MARCHF10: variants seen among roughly 807,000 people sequenced by gnomAD.
The protein encoded by MARCHF10 is probable E3 ubiquitin-protein ligase MARCHF10.
Under a neutral mutation model 76.2 loss-of-function variants are expected in MARCHF10, and 64 were observed. That is an observed-to-expected ratio of 0.84 (90% confidence interval 0.69 to 1.03). The LOEUF is 1.03. MARCHF10 is among the 50% of genes least tolerant of loss of function. MARCHF10 has a pLI of 0.00. For synonymous variants in MARCHF10, 340 were observed against 357.5 expected, an observed-to-expected ratio of 0.95 and a Z score of 0.55; for missense variants, 875 against 958.0, an observed-to-expected ratio of 0.91 and a Z score of 1.14.
chr17:62,807,354 C>A (rs1321520325), intron 1 of MARCHF10, among the ~76,000 whole-genome samples: 2 of 150,234 alleles, frequency 1.3e-5, no homozygotes, highest in African/African-American at 4.9e-5. Context: ...GCCAATTTGG[C>A]TTAAGAGTTG....
chr17:62,713,198 T>C (rs963078750), intron 8 of MARCHF10, among the ~76,000 whole-genome samples: 4 of 152,188 alleles, frequency 2.6e-5, no homozygotes, highest in Non-Finnish European at 4.4e-5. Context: ...GTTTACCTCA[T>C]CCCCGGCTTC....
Position 62,711,799 on chromosome 17 carries a change from C to T in MARCHF10, c.2215-455G>A, listed in dbSNP as rs759259931. ...GAGATGCACCAGGCCTTGTCCATAA[C>T]GTTCTCAGCAGTCACAGATGTCCCC... is the stretch of plus-strand genomic sequence containing the variant. On this transcript the variant is annotated intron_variant, in intron 8 of 10. Transcript: ENST00000311269. This position sits in a 1 kb window ranked among gnomAD's most constrained non-coding sequence, Gnocchi z 4.4. Among the ~76,000 whole-genome samples, 11 of 152,312 alleles carry T rather than the reference C, an allele frequency of 7.2e-5. No individual in the cohort carries two copies. The highest frequency in any genetic ancestry group is 1.3e-4 in the Admixed American group (2 of 15,308).
intron 6 of MARCHF10, among the ~76,000 whole-genome samples, chr17:62,732,771 T>G (rs1401164219): frequency 6.6e-6 from 1 of 151,996 alleles, no homozygotes; most frequent in Non-Finnish European, 1.5e-5. Flanking sequence ...GGCGGGCTGA[T>G]TGTTTGAGGT....
chr17:62,722,943 A>C lies in MARCHF10; in HGVS notation c.2105-346T>G, dbSNP rs545063400. The stretch of plus-strand genomic sequence containing the variant: ...AACACAGGTGTTTGTAAAAAGAGTG[A>C]CTATTCAGCTTTTTTTTTTTTTATT... On this transcript the variant is annotated intron_variant, in intron 7 of 10. Coordinates refer to ENST00000311269, the MANE Select transcript of MARCHF10 (RefSeq NM_152598.4). Among the ~76,000 whole-genome samples, 16 of 151,452 alleles carry C rather than the reference A, an allele frequency of 1.1e-4. 1 individual carries two copies. The highest frequency in any genetic ancestry group is 2.2e-4 in the Non-Finnish European group (15 of 67,938).
At chr17:62,748,096 A>G (rs1304656245) in intron 4 of MARCHF10, among the ~76,000 whole-genome samples, 2 of 152,176 alleles carry the variant, frequency 1.3e-5, no homozygotes, top group African/African-American at 4.8e-5. Flanking sequence ...TTGTGTGTAC[A>G]TGGGTTTAAG....
chr17:62,776,399 G>C (rs1482420320), intron 3 of MARCHF10, among the ~76,000 whole-genome samples: 1 of 152,184 alleles, frequency 6.6e-6, no homozygotes, highest in Non-Finnish European at 1.5e-5. Context: ...AGGCTGTCTT[G>C]CCTGTGCGTT....
chr17:62,749,551 T>C (rs946550860), intron 4 of MARCHF10, among the ~76,000 whole-genome samples: 4 of 152,222 alleles, frequency 2.6e-5, no homozygotes, highest in Admixed American at 2.0e-4. Context: ...TTCTGTGCAG[T>C]CACAAATAAT....
intron 6 of MARCHF10, among the ~76,000 whole-genome samples, 194 bp from the exon 7 acceptor site, chr17:62,725,298 C>T (rs2090703419): frequency 6.6e-6 from 1 of 152,166 alleles, no homozygotes; most frequent in African/African-American, 2.4e-5. Context: ...GAGTCTCACT[C>T]CGTTGCCCAG....
chr17:62,714,088 G>A (rs1361188786), intron 8 of MARCHF10, among the ~76,000 whole-genome samples: 1 of 152,198 alleles, frequency 6.6e-6, no homozygotes, highest in Non-Finnish European at 1.5e-5. Context: ...TGTGTCTGAG[G>A]ACATCTGTCC....
At chr17:62,799,210 G>T (rs570323080) in intron 2 of MARCHF10, among the ~76,000 whole-genome samples, 1 of 152,256 alleles carries the variant, frequency 6.6e-6, no homozygotes, top group South Asian at 2.1e-4. Context: ...TCAGCAAGAT[G>T]TCTGTTCTGC....
At chr17:62,740,792 C>G (rs1239306199) in intron 5 of MARCHF10, among the ~76,000 whole-genome samples, 1 of 151,938 alleles carries the variant, frequency 6.6e-6, no homozygotes, top group Non-Finnish European at 1.5e-5. Flanking sequence ...ACACCTGGCT[C>G]ATTTTAAAAT....
chr17:62,713,269 T>C (rs1479697898), intron 8 of MARCHF10, among the ~76,000 whole-genome samples: 1 of 152,218 alleles, frequency 6.6e-6, no homozygotes, highest in African/African-American at 2.4e-5. Flanking sequence ...GCTTTTATGC[T>C]TGAGACACCG....
chr17:62,737,296 G>A lies in MARCHF10; in HGVS notation c.572C>T (p.Thr191Ile). The change falls in exon 6 of 11, where the codon ACT becomes ATT. Residue 191 changes from threonine (T) to isoleucine (I), a missense_variant. Coordinates refer to ENST00000311269, the MANE Select transcript of MARCHF10 (RefSeq NM_152598.4). ...CTCTTGATTTGGCCTCTTCAGCTTA[G>A]TGTTACACATCAGGCCTTCTTGTTG... is the stretch of plus-strand genomic sequence containing the variant. ...VVQQEGLMCN[T>I]KLKRPNQERR... The A allele has an allele frequency of 6.2e-7, 1 of 1,612,834 alleles. No homozygotes were observed. Among genetic ancestry groups the A allele is most frequent in the Non-Finnish European group, 8.5e-7 (1 of 1,179,782 alleles).
intron 2 of MARCHF10, among the ~76,000 whole-genome samples, chr17:62,789,359 C>T (rs1263394313): frequency 6.6e-6 from 1 of 152,200 alleles, no homozygotes; most frequent in Non-Finnish European, 1.5e-5. Context: ...CTTGGAATCT[C>T]CTCTGTTAGA....
Position 62,736,561 on chromosome 17 carries a change from G to GA in MARCHF10, c.1306dup (p.Ser436PhefsTer2), listed in dbSNP as rs1286367695. The GA allele has an allele frequency of 6.2e-7, 1 of 1,614,052 alleles. No homozygotes were observed. Among genetic ancestry groups the GA allele is most frequent in the African/African-American group, 1.3e-5 (1 of 74,898 alleles). The stretch of plus-strand genomic sequence containing the variant: ...TAAATAGTCTTTCCAGTATCCTTCA[G>GA]AATCATGGGTGCCAGGCCTATGTTC... On this transcript the variant is annotated frameshift_variant, in exon 6 of 11. Transcript: ENST00000311269. LOFTEE classifies it high-confidence loss of function.
chr17:62,738,725 C>A lies in MARCHF10; in HGVS notation c.536-1393G>T, dbSNP rs1046317003. ...AGTCTCTAATGTCCTAACACTCGGG[C>A]AGCTTCTTTTATTGTTAACTGCATG... On this transcript the variant is annotated intron_variant, in intron 5 of 10. Transcript: ENST00000311269. This position sits in a 1 kb window ranked among gnomAD's most constrained non-coding sequence, Gnocchi z 4.0. Among the ~76,000 whole-genome samples the A allele has an allele frequency of 6.6e-6, 1 of 152,220 alleles. No individual in the cohort carries two copies. Among genetic ancestry groups the A allele is most frequent in the Non-Finnish European group, 1.5e-5 (1 of 68,040 alleles).
intron 10 of MARCHF10, 49 bp downstream of exon 10, chr17:62,705,490 T>C (rs766926213): frequency 6.8e-6 from 11 of 1,613,978 alleles, no homozygotes; most frequent in Non-Finnish European, 9.3e-6. Flanking sequence ...AGAAAAAGAG[T>C]AATTTAGCAA....
At chr17:62,718,860 C>G (rs557083732) in intron 8 of MARCHF10, among the ~76,000 whole-genome samples, 155 of 152,266 alleles carry the variant, frequency 1.0e-3, no homozygotes, top group Non-Finnish European at 1.5e-3. Context: ...TTCTCTTCCT[C>G]TCTTCTTTTC....
At chr17:62,778,249 C>T (rs2092589735) in intron 3 of MARCHF10, among the ~76,000 whole-genome samples, 1 of 151,936 alleles carries the variant, frequency 6.6e-6, no homozygotes, top group Admixed American at 6.6e-5. Context: ...CAGATGAGCT[C>T]GGGAGGTAGG....
Sources: gnomAD v4.1 joint callset for allele counts (sites outside exome capture counted in the v4.1 genomes callset) on GRCh38, gnomAD v4.1.1 for gene constraint, Gnocchi (gnomAD v3.1) non-coding constraint, MANE v1.5 for transcripts, NCBI Gene and HGNC (gene_info 2026-07-23, HGNC 2026-07-21) for gene names.